The following ELAVL4 variants were observed in gnomAD, a reference collection of about 807,000 sequenced individuals.
ELAVL4 encodes ELAV like RNA binding protein 4.
ELAVL4 carries 1 observed loss-of-function variant against 35.6 expected under a neutral mutation model. The ratio of observed to expected loss-of-function variants is 0.03; its 90% CI spans 0.01 to 0.13. ELAVL4 has a LOEUF of 0.13. Among genes scored for constraint, ELAVL4 ranks in the 10% least tolerant of loss-of-function variants. The pLI, the probability that ELAVL4 is intolerant of heterozygous loss-of-function variation, is 1.00. For missense variants in ELAVL4, 267 were observed against 464.9 expected (o/e 0.57, Z 3.91); for synonymous variants, 156 against 171.0 (o/e 0.91, Z 0.69).
intron 1 of ELAVL4, among the ~76,000 whole-genome samples, chr1:50,139,712 G>C (rs1672493902): frequency 6.6e-6 from 1 of 152,206 alleles, no homozygotes; most frequent in Non-Finnish European, 1.5e-5. Context: ...AGGGAACAGA[G>C]GGGTGGCTTT....
intron 1 of ELAVL4, among the ~76,000 whole-genome samples, chr1:50,112,487 A>G (rs1667236192): frequency 6.6e-6 from 1 of 152,166 alleles, no homozygotes; most frequent in Non-Finnish European, 1.5e-5. Flanking sequence ...TGCATTTATT[A>G]AGAAGTGAAA....
In ELAVL4 at chr1:50,177,155, C is replaced by T. The variant is rs758825213; in HGVS notation, c.317C>T (p.Thr106Ile). ...AAGGATGCAGAGAAAGCCATCAACA[C>T]TTTAAATGGACTCAGACTCCAGACC... ...DPKDAEKAIN[T>I]LNGLRLQTKT... Residue 106 changes from threonine to isoleucine, a missense_variant, in exon 3 of 7, where the codon ACT (threonine) becomes ATT (isoleucine). By Grantham distance (89) the Thr-to-Ile change is moderately conservative. This residue lies in a region of ELAVL4 where 216 missense variants were observed against 409.5 expected (regional missense o/e 0.53). Transcript: ENST00000371824. 8.1e-6 allele frequency: 13 copies of T among 1,613,884 alleles called. No homozygotes were observed. Among genetic ancestry groups the T allele is most frequent in the South Asian group, 1.1e-5 (1 of 91,060 alleles).
intron 1 of ELAVL4, among the ~76,000 whole-genome samples, chr1:50,060,892 C>A (rs1663928468): frequency 6.6e-6 from 1 of 152,192 alleles, no homozygotes; most frequent in South Asian, 2.1e-4. Flanking sequence ...TGATTTACAT[C>A]CCTCATTCAA....
chr1:50,200,085 A>G (rs993801254), intron 6 of ELAVL4, among the ~76,000 whole-genome samples: 1 of 152,244 alleles, frequency 6.6e-6, no homozygotes, highest in Non-Finnish European at 1.5e-5. Context: ...AACATAGCAT[A>G]AAGGAGTAAT....
intron 1 of ELAVL4, among the ~76,000 whole-genome samples, chr1:50,090,383 T>C (rs1665436319): frequency 6.6e-6 from 1 of 152,168 alleles, no homozygotes; most frequent in Non-Finnish European, 1.5e-5. Context: ...AAATATTCTA[T>C]ACAATGTGTG....
chr1:50,114,018 A>T (rs1200905238), intron 1 of ELAVL4, among the ~76,000 whole-genome samples: 3 of 152,272 alleles, frequency 2.0e-5, no homozygotes, highest in South Asian at 2.1e-4. Context: ...AAGAGTTCTC[A>T]TATTAGAAAA....
chr1:50,201,401 AAC>A lies in ELAVL4; in HGVS notation c.*225_*226del. The stretch of plus-strand genomic sequence containing the variant: ...TGCTTAGAAAAAAAGAAAAAAAAAA[AAC>A]AAAAAATACCTTTGATGCATTGAAT... On this transcript the variant is annotated 3_prime_UTR_variant, in exon 7 of 7. Transcript: ENST00000371824. This position sits in a 1 kb window ranked among gnomAD's most constrained non-coding sequence, Gnocchi z 4.3. 8.3e-6 allele frequency: 3 copies of A among 362,616 alleles called. No homozygotes were observed. Among genetic ancestry groups the A allele is most frequent in the Non-Finnish European group, 1.4e-5 (3 of 216,898 alleles). 22.5% of individuals were successfully genotyped at this position (362,616 alleles called of 1,614,324 possible).
At position 50,198,703 on chromosome 1, in the gene ELAVL4, G is replaced by A. The variant is rs1261854504; in HGVS notation, c.773+1236G>A. 3.3e-5 allele frequency among the ~76,000 whole-genome samples: 5 copies of A among 152,172 alleles called. No homozygotes were observed. The South Asian group carries it at 8.3e-4, about 25-fold the overall frequency. The stretch of plus-strand genomic sequence containing the variant: ...GAGGTAGTGCTAAATGTTGTGAAAA[G>A]AGAAATGCTTATAAATAGATAAGAT... On this transcript the variant is annotated intron_variant, in intron 6 of 6. Transcript: ENST00000371824.
intron 1 of ELAVL4, among the ~76,000 whole-genome samples, chr1:50,118,501 AAAGAG>A (rs890344410): frequency 8.6e-6 from 1 of 115,658 alleles, no homozygotes; most frequent in Non-Finnish European, 1.7e-5. Flanking sequence ...AAGGAAAAAA[AAAGAG>A]AGAGAGAGAA....
chr1:50,163,130 C>T (rs1406674078), intron 2 of ELAVL4, among the ~76,000 whole-genome samples: 3 of 152,206 alleles, frequency 2.0e-5, no homozygotes, highest in Admixed American at 2.0e-4. Flanking sequence ...TCCTCTCCTT[C>T]TGGAATGCTC....
intron 1 of ELAVL4, among the ~76,000 whole-genome samples, chr1:50,128,078 T>C (rs2148623290): frequency 6.6e-6 from 1 of 152,248 alleles, no homozygotes; most frequent in Non-Finnish European, 1.5e-5. Flanking sequence ...AACCTCAAGA[T>C]GGTACTTCAG....
intron 2 of ELAVL4, among the ~76,000 whole-genome samples, chr1:50,145,571 T>C (rs1673561558): frequency 6.6e-6 from 1 of 152,212 alleles, no homozygotes; most frequent in African/African-American, 2.4e-5. Context: ...TTGCTTCATG[T>C]GTGCCCAGTG....
At chr1:50,187,346 T>C (rs1681988634) in intron 3 of ELAVL4, among the ~76,000 whole-genome samples, 1 of 152,192 alleles carries the variant, frequency 6.6e-6, no homozygotes, top group African/African-American at 2.4e-5. Context: ...TTATTGAGCA[T>C]TTACTGTGTG....
chr1:50,156,044 C>T (rs1274755345), intron 2 of ELAVL4, among the ~76,000 whole-genome samples: 1 of 151,910 alleles, frequency 6.6e-6, no homozygotes, highest in African/African-American at 2.4e-5. Context: ...CACACACACA[C>T]ACACACATCC....
At chr1:50,195,334 A>G (rs1463498842) in intron 4 of ELAVL4, among the ~76,000 whole-genome samples, 1 of 152,124 alleles carries the variant, frequency 6.6e-6, no homozygotes, top group Non-Finnish European at 1.5e-5. Context: ...GGCCAGATGC[A>G]AGAGAGCCCT....
intron 1 of ELAVL4, among the ~76,000 whole-genome samples, chr1:50,116,723 C>T (rs896969071): frequency 6.6e-6 from 1 of 152,142 alleles, no homozygotes; most frequent in East Asian, 1.9e-4. Flanking sequence ...ACTAATGAAG[C>T]TTTCCTTAGG....
At chr1:50,119,662 T>C (rs1056630182) in intron 1 of ELAVL4, among the ~76,000 whole-genome samples, 2 of 152,016 alleles carry the variant, frequency 1.3e-5, no homozygotes, top group Non-Finnish European at 2.9e-5. Flanking sequence ...TTGCAGTTGG[T>C]ATAATCTTAA....
chr1:50,114,181 G>A (rs931947190), intron 1 of ELAVL4, among the ~76,000 whole-genome samples: 2 of 151,988 alleles, frequency 1.3e-5, no homozygotes, highest in Admixed American at 1.3e-4. Flanking sequence ...TTCAATCAAG[G>A]GCCTGGGTAT....
In ELAVL4 at chr1:50,193,822, G is replaced by A. The variant is rs199932597; in HGVS notation, c.412G>A (p.Gly138Ser). 24 of 1,613,984 alleles carry A rather than the reference G, an allele frequency of 1.5e-5. No individual in the cohort carries two copies. Among genetic ancestry groups the A allele is most frequent in the Non-Finnish European group, 1.9e-5 (23 of 1,179,968 alleles). ...CAGGGATGCTAACCTCTATGTTAGC[G>A]GCCTTCCCAAAACCATGACCCAGAA... The part of the protein sequence containing the change: ...SIRDANLYVS[G>S]LPKTMTQKEL... The change falls in exon 4 of 7, where the codon GGC becomes AGC. Residue 138 changes from glycine (G) to serine (S), a missense_variant. Physicochemically the swap from Gly to Ser is moderately conservative, Grantham distance 56. Coordinates refer to ENST00000371824, the MANE Select transcript of ELAVL4 (RefSeq NM_001144774.3).
Sources: allele counts gnomAD v4.1 joint callset (sites outside exome capture counted in the v4.1 genomes callset), GRCh38; gene constraint gnomAD v4.1.1; regional missense constraint gnomAD v4.1.1; non-coding constraint Gnocchi (gnomAD v3.1); transcripts MANE v1.5; gene names NCBI Gene and HGNC (gene_info 2026-07-23, HGNC 2026-07-21).